The following STK38L variants were observed in gnomAD, a reference collection of about 807,000 sequenced individuals.
The protein encoded by STK38L is serine/threonine-protein kinase 38-like.
A neutral mutation model predicts 59.7 loss-of-function variants in STK38L; 28 were observed. That is an observed-to-expected ratio of 0.47 (90% CI 0.35 to 0.64). STK38L has a LOEUF of 0.64. STK38L is among the 30% of genes least tolerant of loss of function. The pLI, the probability that STK38L is intolerant of heterozygous loss-of-function variation, is 0.01. For missense variants in STK38L, 314 were observed against 555.8 expected, an observed-to-expected ratio of 0.56 and a Z score of 4.37; for synonymous variants, 162 against 176.8, an observed-to-expected ratio of 0.92 and a Z score of 0.66.
At chr12:27,303,597 TTTAGA>T (rs1405843099) in intron 3 of STK38L, among the ~76,000 whole-genome samples, 4 of 152,054 alleles carry the variant, frequency 2.6e-5, no homozygotes, top group Non-Finnish European at 5.9e-5. Context: ...CTCAAGGAGT[TTTAGA>T]TTAGGAGAGG....
intron 1 of STK38L, among the ~76,000 whole-genome samples, chr12:27,253,813 C>T (rs997310709): frequency 2.0e-5 from 3 of 152,144 alleles, no homozygotes; most frequent in African/African-American, 4.8e-5. Context: ...CCACAGGAAC[C>T]GGAATTGTTG....
chr12:27,272,561 G>GT (rs1406298489), intron 1 of STK38L, among the ~76,000 whole-genome samples: 1 of 152,124 alleles, frequency 6.6e-6, no homozygotes, highest in East Asian at 1.9e-4. Context: ...TTCCATATTT[G>GT]TCTTGGAGGG....
intron 2 of STK38L, among the ~76,000 whole-genome samples, chr12:27,301,461 A>G (rs986106256): frequency 6.6e-6 from 1 of 152,052 alleles, no homozygotes; most frequent in Non-Finnish European, 1.5e-5. Flanking sequence ...GGGGTTTCAC[A>G]GTGTTAGCCA....
At chr12:27,282,071 A>T (rs1380101649) in intron 1 of STK38L, among the ~76,000 whole-genome samples, 1 of 152,186 alleles carries the variant, frequency 6.6e-6, no homozygotes, top group African/African-American at 2.4e-5. Flanking sequence ...ATTAATTTTT[A>T]AAAAGAAATG....
At chr12:27,314,959 CA>C in intron 7 of STK38L, 55 bp from the exon 8 acceptor site, 1 of 1,360,274 alleles carries the variant, frequency 7.4e-7, no homozygotes, top group South Asian at 1.3e-5. Flanking sequence ...GAGTTTATAA[CA>C]AGGCTTTTTG....
chr12:27,245,951 G>A (rs1942841824), intron 1 of STK38L, among the ~76,000 whole-genome samples: 1 of 152,170 alleles, frequency 6.6e-6, no homozygotes, highest in East Asian at 1.9e-4. Context: ...CTTTTGAAAG[G>A]CCTTGCCACT....
chr12:27,276,646 A>T (rs1000587260), intron 1 of STK38L, among the ~76,000 whole-genome samples: 1 of 152,260 alleles, frequency 6.6e-6, no homozygotes, highest in African/African-American at 2.4e-5. Flanking sequence ...AAATAGTTTT[A>T]AAAAATTATC....
At position 27,325,804 on chromosome 12, in the gene STK38L, A is replaced by AT. The variant is rs1246246295; in HGVS notation, c.*3356dup. 7 of 152,278 alleles carry AT rather than the reference A, an allele frequency of 4.6e-5. No individual in the cohort carries two copies. In the South Asian group the frequency reaches 1.4e-3, roughly 32 times the overall value. 9.4% of individuals were successfully genotyped at this position (152,278 alleles called of 1,614,324 possible). A position where few individuals can be genotyped will look rare whatever the true frequency, so the allele number is the denominator to read the frequency against. ...AAAGTAATAAAAATATATCTCAGCTATTTTTTTAAAGCAATATAATTCAGC... is the reference window on the plus strand; with the variant it reads ...AAAGTAATAAAAATATATCTCAGCTATTTTTTTTAAAGCAATATAATTCAGC... On this transcript the variant is annotated 3_prime_UTR_variant, in exon 14 of 14. Coordinates refer to ENST00000389032, the MANE Select transcript of STK38L (RefSeq NM_015000.4).
chr12:27,317,270 AG>A, intron 9 of STK38L, 65 bp from the exon 10 acceptor site: 1 of 1,167,320 alleles, frequency 8.6e-7, no homozygotes. Flanking sequence ...TCCAGTAGTA[AG>A]CCATCCTCAG....
chr12:27,266,350 C>T (rs1447968793), intron 1 of STK38L, among the ~76,000 whole-genome samples: 3 of 152,062 alleles, frequency 2.0e-5, no homozygotes, highest in East Asian at 1.9e-4. Flanking sequence ...TAATTTGATT[C>T]GGGGAAGTCT....
At chr12:27,277,879 T>C (rs1375874074) in intron 1 of STK38L, among the ~76,000 whole-genome samples, 1 of 152,180 alleles carries the variant, frequency 6.6e-6, no homozygotes, top group Non-Finnish European at 1.5e-5. Flanking sequence ...AAGAATTGCC[T>C]CTTTCCACAA....
chr12:27,269,843 A>G (rs533836914), intron 1 of STK38L, among the ~76,000 whole-genome samples: 20 of 152,218 alleles, frequency 1.3e-4, no homozygotes, highest in African/African-American at 4.6e-4. Flanking sequence ...TTGTTTCGCC[A>G]TGTTGGCCAG....
intron 5 of STK38L, 46 bp downstream of exon 5, chr12:27,309,243 G>T: frequency 7.2e-7 from 1 of 1,397,284 alleles, no homozygotes; most frequent in Non-Finnish European, 9.9e-7. Context: ...ATCCACTGAC[G>T]CAGTGTTAAG....
chr12:27,305,179 C>T (rs1944279461), intron 3 of STK38L, among the ~76,000 whole-genome samples: 1 of 152,178 alleles, frequency 6.6e-6, no homozygotes. Flanking sequence ...ACTTTTTTTG[C>T]AGAATAACCA....
rs10666650 is a variant in STK38L at position 27,279,688 on chromosome 12, A to ATTT, written c.-11-18007_-11-18005dup. Among the ~76,000 whole-genome samples, 75 of 133,386 alleles carry ATTT rather than the reference A, an allele frequency of 5.6e-4. No individual in the cohort carries two copies. In the East Asian group the frequency reaches 8.9e-3, roughly 16 times the overall value. 87.5% of individuals were successfully genotyped at this position (133,386 alleles called of 152,430 possible). On this transcript the variant is annotated intron_variant, in intron 1 of 13. Coordinates refer to ENST00000389032, the MANE Select transcript of STK38L (RefSeq NM_015000.4). ...GTTTCAGCGAGCTAAAAAAAAAAAA[A>ATTT]TTTTTTTTTTTTTTTTTGCTACATT...
rs201757206 is a variant in STK38L, at chr12:27,287,101, C to CTT, written c.-11-10594_-11-10593dup. Among the ~76,000 whole-genome samples, 25 of 139,582 alleles carry CTT rather than the reference C, an allele frequency of 1.8e-4. 1 individual carries two copies. Among genetic ancestry groups the CTT allele is most frequent in the African/African-American group, 3.5e-4 (13 of 37,522 alleles). The allele number at this position is 139,582 out of a possible 152,430, so 91.6% of individuals were successfully genotyped here. On this transcript the variant is annotated intron_variant, in intron 1 of 13. Coordinates refer to ENST00000389032, the MANE Select transcript of STK38L (RefSeq NM_015000.4). The stretch of plus-strand genomic sequence containing the variant: ...TTTTAAATATATGCTTTTAGATACA[C>CTT]TTTTTTTTTTTTTTTTGAGATGGAG...
At chr12:27,322,045 T>G in intron 12 of STK38L, 98 bp from the exon 13 acceptor site, 2 of 1,035,030 alleles carry the variant, frequency 1.9e-6, no homozygotes, top group Non-Finnish European at 2.8e-6. Flanking sequence ...GATTTTCTAG[T>G]ATCTGTAGAA....
chr12:27,282,934 G>T (rs1943692410), intron 1 of STK38L, among the ~76,000 whole-genome samples: 1 of 152,118 alleles, frequency 6.6e-6, no homozygotes, highest in South Asian at 2.1e-4. Context: ...GTATGATCTT[G>T]GGTAAATAAC....
intron 1 of STK38L, among the ~76,000 whole-genome samples, chr12:27,263,115 G>C (rs1158760892): frequency 6.6e-6 from 1 of 152,150 alleles, no homozygotes; most frequent in Non-Finnish European, 1.5e-5. Flanking sequence ...AGAACACTTT[G>C]TGTCTCTCTC....
Sources: allele counts gnomAD v4.1 joint callset (sites outside exome capture counted in the v4.1 genomes callset), GRCh38; gene constraint gnomAD v4.1.1; transcripts MANE v1.5; gene names NCBI Gene and HGNC (gene_info 2026-07-23, HGNC 2026-07-21).